Variants in MSR1 observed in about 807,000 individuals in gnomAD.
MSR1 encodes macrophage scavenger receptor types I and II.
MSR1 carries 53 observed loss-of-function variants against 47.2 expected under a neutral mutation model. The observed-to-expected ratio is 1.12, with a 90% CI of 0.90 to 1.41. The LOEUF (loss-of-function observed/expected upper bound fraction) is 1.41, where lower values mean the gene tolerates loss of function less well. MSR1 is among the 40% of genes most tolerant of loss of function. The pLI is 0.00. For missense variants in MSR1, 786 were observed against 546.9 expected (o/e 1.44, Z -4.36); for synonymous variants, 239 against 185.6 (o/e 1.29, Z -2.34).
chr8:16,117,224 A>G (rs1272271447), intron 9 of MSR1, among the ~76,000 whole-genome samples: 1 of 152,162 alleles, frequency 6.6e-6, no homozygotes, highest in African/African-American at 2.4e-5. Context: ...CAGTGGCAGC[A>G]TTAGATACTC....
chr8:16,187,698 T>G (rs960932767), intron 1 of MSR1, among the ~76,000 whole-genome samples: 2 of 152,150 alleles, frequency 1.3e-5, no homozygotes, highest in Non-Finnish European at 2.9e-5. Context: ...TGACTGGATT[T>G]TATATCTTAG....
chr8:16,179,344 T>A (rs571893966), intron 1 of MSR1, among the ~76,000 whole-genome samples: 26 of 152,166 alleles, frequency 1.7e-4, no homozygotes, highest in Admixed American at 6.5e-4. Flanking sequence ...CCTTCCTCCA[T>A]CCTCTTCCTC....
chr8:16,187,937 C>T (rs189810564), intron 1 of MSR1, among the ~76,000 whole-genome samples: 60 of 152,214 alleles, frequency 3.9e-4, no homozygotes, highest in African/African-American at 1.3e-3. Flanking sequence ...TTTTTAGTAA[C>T]GTGAACATAC....
chr8:16,120,323 G>A, intron 9 of MSR1, 95 bp downstream of exon 9: 3 of 1,308,746 alleles, frequency 2.3e-6, no homozygotes, highest in East Asian at 4.7e-5. Context: ...GTTGCAGTGA[G>A]CCGAGATCGC....
chr8:16,181,227 G>A (rs984895001), intron 1 of MSR1, among the ~76,000 whole-genome samples: 2 of 152,050 alleles, frequency 1.3e-5, no homozygotes, highest in Non-Finnish European at 2.9e-5. Flanking sequence ...GTGATTGCTG[G>A]GTCAAATGGC....
intron 9 of MSR1, among the ~76,000 whole-genome samples, chr8:16,112,922 T>C (rs1266382036): frequency 6.7e-6 from 1 of 150,040 alleles, no homozygotes; most frequent in East Asian, 2.0e-4. Flanking sequence ...GGGATTGATA[T>C]TGATTATATA....
At chr8:16,125,478 T>G (rs1800108158) in intron 8 of MSR1, among the ~76,000 whole-genome samples, 1 of 152,214 alleles carries the variant, frequency 6.6e-6, no homozygotes, top group Admixed American at 6.5e-5. Flanking sequence ...CTCTGCTGAT[T>G]CATTGAATGT....
At chr8:16,135,311 A>G (rs1800363647) in intron 8 of MSR1, among the ~76,000 whole-genome samples, 2 of 152,110 alleles carry the variant, frequency 1.3e-5, no homozygotes, top group African/African-American at 4.8e-5. Context: ...CTCATTTGCT[A>G]TTCTGAAAAT....
intron 1 of MSR1, among the ~76,000 whole-genome samples, chr8:16,191,326 G>T (rs1300092413): frequency 1.3e-5 from 2 of 152,078 alleles, no homozygotes; most frequent in African/African-American, 4.8e-5. Context: ...TTTGAGTATT[G>T]ACTGTGACAT....
At chr8:16,133,499 GAGTTTAC>G (rs952707384) in intron 8 of MSR1, among the ~76,000 whole-genome samples, 3 of 152,088 alleles carry the variant, frequency 2.0e-5, no homozygotes, top group Admixed American at 6.6e-5. Context: ...GCTTTCCTGG[GAGTTTAC>G]TGTTAAAACT....
At chr8:16,125,533 T>C (rs1800109586) in intron 8 of MSR1, among the ~76,000 whole-genome samples, 1 of 152,202 alleles carries the variant, frequency 6.6e-6, no homozygotes, top group Admixed American at 6.5e-5. Flanking sequence ...ACTATTCTTA[T>C]GTCCCATTTC....
In MSR1 at chr8:16,189,410, TATATTTTATATATATAAAATC is replaced by T. The variant is rs1449558034; in HGVS notation, c.-5+3167_-5+3187del. ...AATCTTATTTTATATATATTTTATA[TATATTTTATATATATAAAATC>T]ATATTTTATATATATAAAATCTTAT... On this transcript the variant is annotated intron_variant, in intron 1 of 9. Coordinates refer to ENST00000262101, the MANE Select transcript of MSR1 (RefSeq NM_138715.3). Among the ~76,000 whole-genome samples, 104 of 103,934 alleles carry T rather than the reference TATATTTTATATATATAAAATC, an allele frequency of 1.0e-3. 2 individuals carry two copies. The highest frequency in any genetic ancestry group is 8.6e-3 in the South Asian group (31 of 3,616). The allele number at this position is 103,934 out of a possible 152,430, so 68.2% of individuals were successfully genotyped here.
intron 9 of MSR1, among the ~76,000 whole-genome samples, chr8:16,113,550 A>G (rs1295434870): frequency 6.6e-6 from 1 of 152,164 alleles, no homozygotes; most frequent in African/African-American, 2.4e-5. Context: ...CAGTGTCTCC[A>G]TTGAGAAAAA....
intron 3 of MSR1, among the ~76,000 whole-genome samples, chr8:16,171,822 G>T (rs781650845): frequency 6.6e-6 from 1 of 152,106 alleles, no homozygotes; most frequent in Non-Finnish European, 1.5e-5. Flanking sequence ...TTCTGGCTCT[G>T]CCCTTTATAA....
At chr8:16,171,791 T>C (rs943704619) in intron 3 of MSR1, among the ~76,000 whole-genome samples, 15 of 152,186 alleles carry the variant, frequency 9.9e-5, no homozygotes, top group African/African-American at 3.6e-4. Flanking sequence ...GATTCTAGAA[T>C]AGAACTGCCT....
Position 16,139,747 on chromosome 8 carries a change from TAAAAAAAAAAAAAAAAAAAAAAAA to T in MSR1, c.1033+3787_1033+3810del, listed in dbSNP as rs1162319738. The stretch of plus-strand genomic sequence containing the variant: ...CCAAGCTCGACTACACTTCAAAACT[TAAAAAAAAAAAAAAAAAAAAAAAA>T]AAAATATATATATATATATATATAT... On this transcript the variant is annotated intron_variant, in intron 8 of 9. Coordinates refer to ENST00000262101, the MANE Select transcript of MSR1 (RefSeq NM_138715.3). 1.2e-4 allele frequency: 17 copies of T among 146,602 alleles called. No individual in the cohort carries two copies. The African/African-American group carries it at 1.9e-3, about 16-fold the overall frequency. The allele number at this position is 146,602 out of a possible 1,614,324, so 9.1% of individuals were successfully genotyped here.
chr8:16,148,756 A>G (rs1475168549), intron 7 of MSR1, among the ~76,000 whole-genome samples: 2 of 152,152 alleles, frequency 1.3e-5, no homozygotes, highest in Non-Finnish European at 2.9e-5. Context: ...CACCACGCCC[A>G]GCCTAAAACT....
intron 1 of MSR1, among the ~76,000 whole-genome samples, chr8:16,192,318 G>A (rs1222944620): frequency 6.6e-6 from 1 of 151,932 alleles, no homozygotes. Flanking sequence ...CCCCATTGCT[G>A]GTTCAAACTA....
At chr8:16,134,767 T>C (rs1205116882) in intron 8 of MSR1, among the ~76,000 whole-genome samples, 1 of 152,148 alleles carries the variant, frequency 6.6e-6, no homozygotes, top group African/African-American at 2.4e-5. Flanking sequence ...TGAGAAAAAG[T>C]TCTTGAAAGC....
Sources: gnomAD v4.1 joint callset for allele counts (sites outside exome capture counted in the v4.1 genomes callset) on GRCh38, gnomAD v4.1.1 for gene constraint, MANE v1.5 for transcripts, NCBI Gene and HGNC (gene_info 2026-07-23, HGNC 2026-07-21) for gene names.